The following RIN2 variants were observed in gnomAD, a reference collection of about 807,000 sequenced individuals.
RIN2 encodes the protein RAB5 interacting protein 2.
In RIN2, 36 loss-of-function variants were observed where a neutral mutation model predicts 78.0. The observed-to-expected ratio is 0.46, with a 90% CI of 0.35 to 0.61. The LOEUF is 0.61. Ranked by LOEUF, RIN2 falls within the 20% of genes least tolerant of loss-of-function variation. The pLI is 0.00. For synonymous variants in RIN2, 466 were observed against 466.8 expected, an observed-to-expected ratio of 1.00 and a Z score of 0.02; for missense variants, 1,087 against 1,159.7, an observed-to-expected ratio of 0.94 and a Z score of 0.91.
intron 8 of RIN2, among the ~76,000 whole-genome samples, chr20:19,974,392 G>T (rs2042200327): frequency 6.6e-6 from 1 of 152,162 alleles, no homozygotes; most frequent in Non-Finnish European, 1.5e-5. Flanking sequence ...AAAAGGCAGG[G>T]CTGGAATCCT....
chr20:19,759,283 C>G (rs1345442773), intron 1 of RIN2, among the ~76,000 whole-genome samples: 5 of 152,218 alleles, frequency 3.3e-5, no homozygotes, highest in Non-Finnish European at 7.3e-5. Context: ...TGTAGCGGCA[C>G]TTCCTTGCGC....
chr20:19,921,682 C>T (rs2039929332), intron 3 of RIN2, among the ~76,000 whole-genome samples: 1 of 152,090 alleles, frequency 6.6e-6, no homozygotes. Context: ...GGTCGGGTTC[C>T]CCAGAAACAG....
At chr20:19,949,467 T>C (rs1312818677) in intron 4 of RIN2, among the ~76,000 whole-genome samples, 3 of 152,230 alleles carry the variant, frequency 2.0e-5, no homozygotes, top group Admixed American at 6.5e-5. Flanking sequence ...CCATCCTTGG[T>C]TGACAGAGTA....
Position 19,996,683 on chromosome 20 carries a change from C to T in RIN2, c.2205C>T (p.Gly735=). 1.2e-6 allele frequency: 2 copies of T among 1,614,028 alleles called. No homozygotes were observed. The highest frequency in any genetic ancestry group is 1.7e-6 in the Non-Finnish European group (2 of 1,179,888). Residue 735 remains glycine (G), a synonymous_variant, in exon 12 of 13, where the codon GGC becomes GGT. Coordinates refer to ENST00000255006, the MANE Select transcript of RIN2 (RefSeq NM_018993.4). ...CACTCTTTCTGCTCTTTTCAGGAGGCTATTACTTGACAAGCGCATATGGAG... is the reference window on the plus strand; with the variant it reads ...CACTCTTTCTGCTCTTTTCAGGAGGTTATTACTTGACAAGCGCATATGGAG... ...LDPSLLHGEG[G]YYLTSAYGAL...
intron 11 of RIN2, among the ~76,000 whole-genome samples, chr20:19,994,106 C>G (rs1175851281): frequency 2.0e-5 from 3 of 152,224 alleles, no homozygotes; most frequent in Admixed American, 1.3e-4. Flanking sequence ...ACGAATCCCA[C>G]AAGAAAGACA....
intron 11 of RIN2, among the ~76,000 whole-genome samples, chr20:19,994,625 G>A (rs2042897997): frequency 1.3e-5 from 2 of 152,116 alleles, no homozygotes. Context: ...GTCCAAAGGA[G>A]CCCCCCTCCA....
chr20:19,974,644 T>C lies in RIN2; in HGVS notation c.629-10T>C, dbSNP rs980396334. 3.1e-6 allele frequency: 5 copies of C among 1,608,438 alleles called. No individual in the cohort carries two copies. The African/African-American group carries it at 6.7e-5, about 22-fold the overall frequency. The stretch of plus-strand genomic sequence containing the variant: ...TTTACATTCTTGTGTTCACTGATAA[T>C]GACTTTCAGATTTCTGGAGCTCCCC... On this transcript the variant is annotated splice_polypyrimidine_tract_variant and intron_variant, in intron 8 of 12. Transcript: ENST00000255006.
chr20:19,801,951 T>C (rs2035255513), intron 2 of RIN2, among the ~76,000 whole-genome samples: 1 of 152,152 alleles, frequency 6.6e-6, no homozygotes, highest in Non-Finnish European at 1.5e-5. Context: ...TTGACTTTCA[T>C]AAATAAATAA....
Position 20,000,707 on chromosome 20 carries a change from A to G in RIN2, c.2459A>G (p.Gln820Arg). The change falls in exon 13 of 13, where the codon CAG becomes CGG. Residue 820 changes from glutamine to arginine, a missense_variant. Transcript: ENST00000255006. ...RPYITTEDVC[Q>R]ICAEKFKVGD... ...TACATCACCACTGAGGATGTGTGTCAGATCTGCGCTGAGAAGTTCAAGGTG... is the reference window on the plus strand; with the variant it reads ...TACATCACCACTGAGGATGTGTGTCGGATCTGCGCTGAGAAGTTCAAGGTG... 6.2e-7 allele frequency: 1 copy of G among 1,614,022 alleles called. No homozygotes were observed. The highest frequency in any genetic ancestry group is 1.1e-5 in the South Asian group (1 of 91,086).
chr20:19,892,938 G>A lies in RIN2; in HGVS notation c.57+3280G>A, dbSNP rs146890211. Among the ~76,000 whole-genome samples the A allele has an allele frequency of 1.1e-4, 17 of 152,242 alleles. No homozygotes were observed. The East Asian group carries it at 1.7e-3, about 16-fold the overall frequency. On this transcript the variant is annotated intron_variant, in intron 3 of 12. Transcript: ENST00000255006. The stretch of plus-strand genomic sequence containing the variant: ...TTATTTCAGTTCTCACCTATTAAGC[G>A]CCCATGAGCAGCCAAGCTCTGTACG...
At chr20:19,957,133 T>C (rs2146239570) in intron 5 of RIN2, among the ~76,000 whole-genome samples, 1 of 152,234 alleles carries the variant, frequency 6.6e-6, no homozygotes, top group East Asian at 1.9e-4. Context: ...TGAGCCTGGG[T>C]CTGAGATCCT....
rs1174562586 is a variant in RIN2 at position 19,821,741 on chromosome 20, C to T, written c.-37+21994C>T. ...CTCAACTCAGAGGCTACTTTTTCTGCAACACCCTTCTGGCCTCCCTCAGAA... is the reference window on the plus strand; with the variant it reads ...CTCAACTCAGAGGCTACTTTTTCTGTAACACCCTTCTGGCCTCCCTCAGAA... On this transcript the variant is annotated intron_variant, in intron 2 of 12. Coordinates refer to ENST00000255006, the MANE Select transcript of RIN2 (RefSeq NM_018993.4). Among the ~76,000 whole-genome samples, 5 of 152,248 alleles carry T rather than the reference C, an allele frequency of 3.3e-5. No individual in the cohort carries two copies. The East Asian group carries it at 7.7e-4, about 24-fold the overall frequency.
Position 19,814,086 on chromosome 20 carries a change from G to T in RIN2, c.-37+14339G>T, listed in dbSNP as rs142347016. Among the ~76,000 whole-genome samples the T allele has an allele frequency of 7.7e-3, 1,171 of 152,260 alleles. 13 individuals are homozygous for T. Among genetic ancestry groups the T allele is most frequent in the African/African-American group, 0.026 (1,089 of 41,544 alleles). On this transcript the variant is annotated intron_variant, in intron 2 of 12. Coordinates refer to ENST00000255006, the MANE Select transcript of RIN2 (RefSeq NM_018993.4). ...AAGAAACAGAGAACAAAGCATTGGA[G>T]CCCAAAATGCTATTTCTAATGCTGC... is the stretch of plus-strand genomic sequence containing the variant.
intron 1 of RIN2, among the ~76,000 whole-genome samples, chr20:19,780,492 T>C (rs1038247609): frequency 4.1e-4 from 63 of 151,952 alleles, no homozygotes; most frequent in Non-Finnish European, 6.9e-4. Flanking sequence ...GAGATCTGGA[T>C]GTAATGAGCT....
Position 19,970,835 on chromosome 20 carries a change from C to G in RIN2, c.537-3C>G. 6.2e-7 allele frequency: 1 copy of G among 1,606,482 alleles called. No individual in the cohort carries two copies. Among genetic ancestry groups the G allele is most frequent in the Non-Finnish European group, 8.5e-7 (1 of 1,173,734 alleles). On this transcript the variant is annotated splice_polypyrimidine_tract_variant and splice_region_variant and intron_variant, in intron 7 of 12. Coordinates refer to ENST00000255006, the MANE Select transcript of RIN2 (RefSeq NM_018993.4). The stretch of plus-strand genomic sequence containing the variant: ...AACATTCTCTCTTTTTCTGAACAAT[C>G]AGGGATGTTCTACCATTTACCTTGA...
intron 2 of RIN2, among the ~76,000 whole-genome samples, chr20:19,838,254 T>C (rs2036478667): frequency 6.6e-6 from 1 of 152,178 alleles, no homozygotes; most frequent in South Asian, 2.1e-4. Context: ...GCATTTGTTT[T>C]GTGTCTTGAG....
intron 1 of RIN2, among the ~76,000 whole-genome samples, chr20:19,779,340 T>G (rs1032290661): frequency 6.6e-6 from 1 of 152,206 alleles, no homozygotes; most frequent in African/African-American, 2.4e-5. Flanking sequence ...TCATTAATAC[T>G]TACTGAGTGC....
At chr20:19,873,121 A>AT (rs141660845) in intron 2 of RIN2, among the ~76,000 whole-genome samples, 25,909 of 150,462 alleles carry the variant, frequency 0.17, 2,930 homozygotes, top group African/African-American at 0.3. Flanking sequence ...TATTATTTTT[A>AT]TTTTTATTTT....
chr20:19,844,698 C>CTCTTCTTCTTCT lies in RIN2; in HGVS notation c.-36-44833_-36-44822dup, dbSNP rs869169793. Among the ~76,000 whole-genome samples, 33 of 26,346 alleles carry CTCTTCTTCTTCT rather than the reference C, an allele frequency of 1.3e-3. 1 individual carries two copies. The highest frequency in any genetic ancestry group is 2.2e-3 in the African/African-American group (19 of 8,684). The allele number at this position is 26,346 out of a possible 152,430, so 17.3% of individuals were successfully genotyped here. ...CTTCTTCTTCTTCCTCTTCCTCTTC[C>CTCTTCTTCTTCT]TCTTCTTCTTCTTCTTCTTCTTCTT... On this transcript the variant is annotated intron_variant, in intron 2 of 12. Coordinates refer to ENST00000255006, the MANE Select transcript of RIN2 (RefSeq NM_018993.4).
Sources: allele counts gnomAD v4.1 joint callset (sites outside exome capture counted in the v4.1 genomes callset), GRCh38; gene constraint gnomAD v4.1.1; transcripts MANE v1.5; gene names NCBI Gene and HGNC (gene_info 2026-07-23, HGNC 2026-07-21).